Variants in ZNF831 observed in about 807,000 individuals in gnomAD.
The protein encoded by ZNF831 is chromosome 20 open reading frame 174.
A neutral mutation model predicts 95.8 loss-of-function variants in ZNF831; 59 were observed. The observed-to-expected ratio is 0.62, with a 90% CI of 0.50 to 0.77. ZNF831 has a LOEUF of 0.77. ZNF831 is among the 30% of genes least tolerant of loss of function. The pLI is 0.00. For missense variants in ZNF831, 2,205 were observed against 2,164.0 expected, an observed-to-expected ratio of 1.02 and a Z score of -0.38; for synonymous variants, 961 against 925.5, an observed-to-expected ratio of 1.04 and a Z score of -0.70.
chr20:59,125,700 A>C (rs1979151526), intron 1 of ZNF831, among the ~76,000 whole-genome samples: 1 of 152,170 alleles, frequency 6.6e-6, no homozygotes, highest in Non-Finnish European at 1.5e-5. Context: ...TGGAGGGCCT[A>C]GCTGGTCTCT....
rs767673212 is a variant in ZNF831, at chr20:59,194,493, G to C, written c.3474G>C (p.Thr1158=). The C allele has an allele frequency of 1.2e-6, 2 of 1,611,782 alleles. No homozygotes were observed. The highest frequency in any genetic ancestry group is 1.7e-6 in the Non-Finnish European group (2 of 1,179,158). The change falls in exon 2 of 6, where the codon ACG becomes ACC. Residue 1158 remains threonine (T), a synonymous_variant. Coordinates refer to ENST00000371030, the MANE Select transcript of ZNF831 (RefSeq NM_178457.3). ...TGGCCTTGTCTTCCCACTCAGGGACGTCCCGGAGCCACAGCACCCGCAGTC... is the reference window on the plus strand; with the variant it reads ...TGGCCTTGTCTTCCCACTCAGGGACCTCCCGGAGCCACAGCACCCGCAGTC... ...PELALSSHSG[T]SRSHSTRSPH... is the part of the protein sequence containing the mutation.
intron 1 of ZNF831, among the ~76,000 whole-genome samples, chr20:59,175,374 T>G (rs1165647938): frequency 6.6e-6 from 1 of 152,164 alleles, no homozygotes; most frequent in African/African-American, 2.4e-5. Context: ...ATAGGAATAT[T>G]AGACCTTTTG....
chr20:59,195,653 C>G (rs912739893), intron 2 of ZNF831: 4 of 491,922 alleles, frequency 8.1e-6, no homozygotes, highest in African/African-American at 4.2e-5. Flanking sequence ...CTTTCCTCTG[C>G]GGATCAAGCC....
Position 59,201,289 on chromosome 20 carries a change from C to CGAAGTG in ZNF831, c.3875+5285_3875+5290dup, listed in dbSNP as rs1311216750. ...TTTAGCATTTGTATATCTTCTCTGG[C>CGAAGTG]GAAGTGTCTCTTCAAATCTTTTGCG... On this transcript the variant is annotated intron_variant, in intron 3 of 5. Coordinates refer to ENST00000371030, the MANE Select transcript of ZNF831 (RefSeq NM_178457.3). Among the ~76,000 whole-genome samples, 3 of 152,084 alleles carry CGAAGTG rather than the reference C, an allele frequency of 2.0e-5. No individual in the cohort carries two copies. In the East Asian group the frequency reaches 5.8e-4, roughly 29 times the overall value.
At chr20:59,128,644 C>A (rs754494616) in intron 1 of ZNF831, among the ~76,000 whole-genome samples, 3 of 152,200 alleles carry the variant, frequency 2.0e-5, no homozygotes, top group Non-Finnish European at 2.9e-5. Flanking sequence ...GAGATGGTAG[C>A]CACTTGTTGG....
intron 4 of ZNF831, among the ~76,000 whole-genome samples, chr20:59,207,800 C>T (rs1985006398): frequency 6.6e-6 from 1 of 152,226 alleles, no homozygotes; most frequent in African/African-American, 2.4e-5. Context: ...CCAGCAGTGC[C>T]TGAATTACCA....
chr20:59,128,526 C>T (rs948970810), intron 1 of ZNF831, among the ~76,000 whole-genome samples: 1 of 152,208 alleles, frequency 6.6e-6, no homozygotes, highest in Admixed American at 6.5e-5. Flanking sequence ...CAGGAGGCAG[C>T]ATGGCAGAGA....
intron 1 of ZNF831, among the ~76,000 whole-genome samples, chr20:59,125,530 G>A (rs1433520168): frequency 6.6e-6 from 1 of 152,138 alleles, no homozygotes; most frequent in Non-Finnish European, 1.5e-5. Context: ...AAGCTCCGCC[G>A]ATGGGTTTAC....
Position 59,191,538 on chromosome 20 carries a change from G to T in ZNF831, c.519G>T (p.Pro173=), listed in dbSNP as rs1165666130. 1 of 1,613,120 alleles carries T rather than the reference G, an allele frequency of 6.2e-7. No individual in the cohort carries two copies. The part of the protein sequence containing the change: ...IRSHTGERPF[P]CATCGIAFKT... ...CCCACACGGGTGAGAGGCCCTTCCC[G>T]TGTGCCACCTGCGGCATCGCCTTTA... is the stretch of plus-strand genomic sequence containing the variant. The change falls in exon 2 of 6, where the codon CCG becomes CCT. Residue 173 remains proline (P), a synonymous_variant. Coordinates refer to ENST00000371030, the MANE Select transcript of ZNF831 (RefSeq NM_178457.3).
At position 59,253,023 on chromosome 20, in the gene ZNF831, C is replaced by T. The variant is rs1174498771; in HGVS notation, c.4073C>T (p.Pro1358Leu). The T allele has an allele frequency of 6.2e-7, 1 of 1,613,996 alleles. No individual in the cohort carries two copies. The highest frequency in any genetic ancestry group is 8.5e-7 in the Non-Finnish European group (1 of 1,179,998). Residue 1358 changes from proline to leucine, a missense_variant, in exon 5 of 6, where the codon CCT becomes CTT. Pro to Leu is a moderately conservative substitution (Grantham distance 98). Coordinates refer to ENST00000371030, the MANE Select transcript of ZNF831 (RefSeq NM_178457.3). ...CCATCTTGTGCCACCTCAGAATCAC[C>T]TCCTTGTTGTGGGAAGGAAGAGAAG... Reference protein sequence around the residue: ...EEPSCATSESPPCCGKEEKKE... With the variant: ...EEPSCATSESLPCCGKEEKKE...
chr20:59,251,324 C>T (rs1031705316), intron 4 of ZNF831, among the ~76,000 whole-genome samples: 4 of 152,082 alleles, frequency 2.6e-5, no homozygotes, highest in East Asian at 1.9e-4. Context: ...TTCCAGAGAA[C>T]GACATACAAA....
intron 1 of ZNF831, among the ~76,000 whole-genome samples, chr20:59,181,915 ATTTG>A (rs1471084676): frequency 1.3e-5 from 2 of 151,904 alleles, no homozygotes; most frequent in Non-Finnish European, 2.9e-5. Flanking sequence ...ATGTTTTTCC[ATTTG>A]TTTGTGTCCT....
chr20:59,202,732 G>A (rs1484285128), intron 3 of ZNF831, among the ~76,000 whole-genome samples: 1 of 152,162 alleles, frequency 6.6e-6, no homozygotes, highest in East Asian at 1.9e-4. Flanking sequence ...TGGGCTTTGA[G>A]TCCTGTACCC....
Position 59,191,329 on chromosome 20 carries a change from C to A in ZNF831, c.310C>A (p.Gln104Lys). 6.2e-7 allele frequency: 1 copy of A among 1,603,228 alleles called. No homozygotes were observed. The highest frequency in any genetic ancestry group is 8.5e-7 in the Non-Finnish European group (1 of 1,175,036). ...GCAGCCTGAAGGGCCTGGCCCCACC[C>A]AGGTGGGGAAGCCGGCGGCCCCTAC... ...VLQPEGPGPT[Q>K]VGKPAAPTLT... Residue 104 changes from glutamine (Q) to lysine (K), a missense_variant, in exon 2 of 6, where the codon CAG becomes AAG. By Grantham distance (53) the Gln-to-Lys change is moderately conservative. Transcript: ENST00000371030.
Position 59,192,406 on chromosome 20 carries a change from C to G in ZNF831, c.1387C>G (p.Arg463Gly), listed in dbSNP as rs1440178440. Reference protein sequence around the residue: ...HFDIRALEPGRRRAPGPVRST... With the variant: ...HFDIRALEPGGRRAPGPVRST... ...TGACATCCGCGCGCTGGAGCCAGGC[C>G]GTAGGAGGGCCCCGGGCCCCGTGCG... Residue 463 changes from arginine (R) to glycine (G), a missense_variant, in exon 2 of 6, where the codon CGT becomes GGT. Transcript: ENST00000371030. This position sits in a 1 kb window ranked among gnomAD's most constrained non-coding sequence, Gnocchi z 5.2. 2 of 1,611,828 alleles carry G rather than the reference C, an allele frequency of 1.2e-6. No individual in the cohort carries two copies. Among genetic ancestry groups the G allele is most frequent in the East Asian group, 2.2e-5 (1 of 44,866 alleles).
In ZNF831 at chr20:59,238,539, T is replaced by A. The variant is rs568118425; in HGVS notation, c.4028-14439T>A. ...GGAGAGGAGCAGCCAGTCGCCTAGA[T>A]TGTCCAACCTTGACTTTGCCACAAA... On this transcript the variant is annotated intron_variant, in intron 4 of 5. Coordinates refer to ENST00000371030, the MANE Select transcript of ZNF831 (RefSeq NM_178457.3). Among the ~76,000 whole-genome samples, 21 of 152,324 alleles carry A rather than the reference T, an allele frequency of 1.4e-4. No homozygotes were observed. In the South Asian group the frequency reaches 2.7e-3, roughly 20 times the overall value.
At position 59,254,624 on chromosome 20, in the gene ZNF831, C is replaced by T. The variant is rs377587634; in HGVS notation, c.4915C>T (p.Pro1639Ser). The T allele has an allele frequency of 1.9e-6, 3 of 1,614,042 alleles. No homozygotes were observed. Among genetic ancestry groups the T allele is most frequent in the Non-Finnish European group, 2.5e-6 (3 of 1,180,030 alleles). Residue 1639 changes from proline to serine, a missense_variant, in exon 6 of 6, where the codon CCT (proline) becomes TCT (serine). Physicochemically the swap from Pro to Ser is moderately conservative, Grantham distance 74. Transcript: ENST00000371030. This position sits in a 1 kb window ranked among gnomAD's most constrained non-coding sequence, Gnocchi z 4.5. The stretch of plus-strand genomic sequence containing the variant: ...TAAGCCAGAGCAGCCCATAGAAATT[C>T]CTGAAGCCCCTTCTAAATCCCTCAA... Reference protein sequence around the residue: ...PSKPEQPIEIPEAPSKSLKKR... With the variant: ...PSKPEQPIEISEAPSKSLKKR...
Position 59,254,688 on chromosome 20 carries a change from T to C in ZNF831, c.4979T>C (p.Val1660Ala). 6.2e-7 allele frequency: 1 copy of C among 1,614,050 alleles called. No homozygotes were observed. The highest frequency in any genetic ancestry group is 2.2e-5 in the East Asian group (1 of 44,872). The stretch of plus-strand genomic sequence containing the variant: ...GAAGGAATGAGAAAGCAAACTCGAG[T>C]AGAGTTCAGTGACACCAGCAGCGAC... ...SLEGMRKQTR[V>A]EFSDTSSDDE... is the part of the protein sequence containing the mutation. The change falls in exon 6 of 6, where the codon GTA (valine) becomes GCA (alanine). Residue 1660 changes from valine (V) to alanine (A), a missense_variant. Val to Ala is a moderately conservative substitution (Grantham distance 64, BLOSUM62 0). Coordinates refer to ENST00000371030, the MANE Select transcript of ZNF831 (RefSeq NM_178457.3). This position sits in a 1 kb window ranked among gnomAD's most constrained non-coding sequence, Gnocchi z 4.5.
At chr20:59,225,730 C>T (rs1986381104) in intron 4 of ZNF831, among the ~76,000 whole-genome samples, 1 of 152,182 alleles carries the variant, frequency 6.6e-6, no homozygotes, top group Non-Finnish European at 1.5e-5. Flanking sequence ...GCCAGCAGGC[C>T]TCCATGGAGT....
Sources: allele counts gnomAD v4.1 joint callset (sites outside exome capture counted in the v4.1 genomes callset), GRCh38; gene constraint gnomAD v4.1.1; non-coding constraint Gnocchi (gnomAD v3.1); transcripts MANE v1.5; gene names NCBI Gene and HGNC (gene_info 2026-07-23, HGNC 2026-07-21).